ZNF99: variants seen among roughly 807,000 people sequenced by gnomAD.
ZNF99 encodes zinc finger protein 99, also known as zinc finger protein ENSP00000375192.
A neutral mutation model predicts 12.8 loss-of-function variants in ZNF99; 8 were observed. The ratio of observed to expected loss-of-function variants is 0.62; its 90% CI spans 0.37 to 1.13. ZNF99 has a LOEUF of 1.13. Ranked by LOEUF, ZNF99 falls within the 50% of genes most tolerant of loss-of-function variation. The pLI is 0.02. For missense variants in ZNF99, 1,007 were observed against 1,006.2 expected (o/e 1.00, Z -0.01); for synonymous variants, 318 against 319.0 (o/e 1.00, Z 0.03).
intron 1 of ZNF99, among the ~76,000 whole-genome samples, chr19:22,775,378 C>A (rs1187703784): frequency 6.6e-5 from 10 of 152,064 alleles, no homozygotes; most frequent in Non-Finnish European, 1.0e-4. Flanking sequence ...AAACTGGACC[C>A]CTTCCTTACA....
At chr19:22,768,634 A>G (rs1020663675) in intron 2 of ZNF99, among the ~76,000 whole-genome samples, 1 of 152,142 alleles carries the variant, frequency 6.6e-6, no homozygotes, top group African/African-American at 2.4e-5. Context: ...TGTGGCAACT[A>G]CATTTTATGC....
Position 22,756,243 on chromosome 19 carries a change from T to C in ZNF99, c.*1071A>G. ...CCAGTATGAATTATCTTATGTTTAG[T>C]AAGGGCTGAAAGATGGTTAAAAGCT... On this transcript the variant is annotated 3_prime_UTR_variant, in exon 4 of 4. Coordinates refer to ENST00000596209, the MANE Select transcript of ZNF99 (RefSeq NM_001080409.3). 5 of 1,571,204 alleles carry C rather than the reference T, an allele frequency of 3.2e-6. 1 individual carries two copies. The highest frequency in any genetic ancestry group is 3.1e-5 in the African/African-American group (2 of 64,330).
rs1396851538 is a variant in ZNF99 at position 22,753,499 on chromosome 19, T to C, written c.*3815A>G. 1.3e-5 allele frequency: 2 copies of C among 152,126 alleles called. No individual in the cohort carries two copies. The highest frequency in any genetic ancestry group is 2.4e-5 in the African/African-American group (1 of 41,448). The allele number at this position is 152,126 out of a possible 1,614,324, so 9.4% of individuals were successfully genotyped here. ...AATTTATTACATTTGCAGGTTTTTT[T>C]CTCTATTATACATTCCCTGATATTG... On this transcript the variant is annotated 3_prime_UTR_variant, in exon 4 of 4. Transcript: ENST00000596209.
At chr19:22,774,458 G>A (rs1973303987) in intron 1 of ZNF99, 1 of 152,146 alleles carries the variant, frequency 6.6e-6, no homozygotes, top group South Asian at 2.1e-4. Flanking sequence ...TTCATATACT[G>A]GAATATATTT....
Position 22,756,360 on chromosome 19 carries a change from A to G in ZNF99, c.*954T>C, listed in dbSNP as rs747485535. ...GAGGACTGGTTAAAGGCTTTGCCACATTCTTCACATTTGTAGGGTTTCTCT... is the reference window on the plus strand; with the variant it reads ...GAGGACTGGTTAAAGGCTTTGCCACGTTCTTCACATTTGTAGGGTTTCTCT... On this transcript the variant is annotated 3_prime_UTR_variant, in exon 4 of 4. Transcript: ENST00000596209. 1.3e-6 allele frequency: 2 copies of G among 1,597,346 alleles called. No individual in the cohort carries two copies. Among genetic ancestry groups the G allele is most frequent in the East Asian group, 2.3e-5 (1 of 44,294 alleles).
rs200827340 is a variant in ZNF99, at chr19:22,768,349, T to G, written c.182A>C (p.Glu61Ala). Residue 61 changes from glutamate (E) to alanine (A), a missense_variant, in exon 3 of 4, where the codon GAG becomes GCG. Transcript: ENST00000596209. ...CTCATGTCTCTTCATATTCCAAGGC[T>G]CTTTCCCTTGCTTCAGACAAGTTAT... is the stretch of plus-strand genomic sequence containing the variant. Reference protein sequence around the residue: ...DLITCLKQGKEPWNMKRHEMV... With the variant: ...DLITCLKQGKAPWNMKRHEMV... 3.4e-5 allele frequency: 55 copies of G among 1,613,994 alleles called. No individual in the cohort carries two copies. Among genetic ancestry groups the G allele is most frequent in the Non-Finnish European group, 4.7e-5 (55 of 1,179,966 alleles).
intron 1 of ZNF99, among the ~76,000 whole-genome samples, chr19:22,778,586 T>C (rs1015229243): frequency 2.0e-5 from 3 of 152,200 alleles, no homozygotes; most frequent in African/African-American, 7.2e-5. Context: ...ATAACATTCC[T>C]CAAATTCAAT....
At chr19:22,772,152 T>C (rs913886817) in intron 1 of ZNF99, among the ~76,000 whole-genome samples, 1 of 152,100 alleles carries the variant, frequency 6.6e-6, no homozygotes, top group Admixed American at 6.5e-5. Context: ...AAATATATAC[T>C]TGATTAGCAG....
chr19:22,775,135 G>C (rs1568387626), intron 1 of ZNF99, among the ~76,000 whole-genome samples: 1 of 152,162 alleles, frequency 6.6e-6, no homozygotes, highest in East Asian at 1.9e-4. Flanking sequence ...CAAAGCTGGA[G>C]GCATTACATT....
intron 3 of ZNF99, among the ~76,000 whole-genome samples, chr19:22,768,016 A>C (rs1303641978): frequency 6.6e-6 from 1 of 152,240 alleles, no homozygotes; most frequent in African/African-American, 2.4e-5. Flanking sequence ...TGTGTCCCCA[A>C]TATGGAAAAG....
intron 3 of ZNF99, among the ~76,000 whole-genome samples, chr19:22,761,593 G>C (rs946273434): frequency 1.3e-5 from 2 of 152,060 alleles, no homozygotes; most frequent in African/African-American, 2.4e-5. Flanking sequence ...AAGACAGAAA[G>C]TCAACAAATA....
intron 3 of ZNF99, among the ~76,000 whole-genome samples, chr19:22,766,386 G>A (rs573697968): frequency 1.3e-5 from 2 of 150,090 alleles, no homozygotes; most frequent in Non-Finnish European, 3.0e-5. Flanking sequence ...ATTGCCCAGG[G>A]TGGAGTGCGG....
Position 22,755,837 on chromosome 19 carries a change from A to G in ZNF99, c.*1477T>C, listed in dbSNP as rs539035919. The G allele has an allele frequency of 2.6e-4, 81 of 315,694 alleles. No individual in the cohort carries two copies. Among genetic ancestry groups the G allele is most frequent in the South Asian group, 2.5e-3 (80 of 32,326 alleles). 19.6% of individuals were successfully genotyped at this position (315,694 alleles called of 1,614,324 possible). On this transcript the variant is annotated 3_prime_UTR_variant, in exon 4 of 4. Transcript: ENST00000596209. ...TTACATTCAGTAAGATTTGAGGACCAGTTAAAAGCTTTGCCATATTATTCA... is the reference window on the plus strand; with the variant it reads ...TTACATTCAGTAAGATTTGAGGACCGGTTAAAAGCTTTGCCATATTATTCA...
Position 22,759,273 on chromosome 19 carries a change from C to T in ZNF99, c.636G>A (p.Trp212Ter). The change falls in exon 4 of 4, where the codon TGG (tryptophan) becomes TGA (stop). Residue 212 changes from tryptophan to a stop codon, truncating the protein, a stop_gained. Transcript: ENST00000596209. LOFTEE classifies it low-confidence loss of function (END_TRUNC). ...TCTTATGTTTAATAAGGGTTGAGAA[C>T]CATTTAAAGGCTTTGCCACGTTCTT... ...KCEERGKAFKWFSTLIKHKII... is the reference protein window; with the variant it reads ...KCEERGKAFK 6.4e-7 allele frequency: 1 copy of T among 1,551,208 alleles called. No individual in the cohort carries two copies. Among genetic ancestry groups the T allele is most frequent in the Non-Finnish European group, 8.7e-7 (1 of 1,148,828 alleles).
rs189015986 is a variant in ZNF99 at position 22,761,866 on chromosome 19, A to T, written c.227-2184T>A. On this transcript the variant is annotated intron_variant, in intron 3 of 3. Transcript: ENST00000596209. ...AAAACCATGCAAATACATGTAAATT[A>T]AAAAACCTGCTCCTGAATAATCATT... 3.8e-3 allele frequency among the ~76,000 whole-genome samples: 585 copies of T among 152,312 alleles called. 2 individuals carry two copies. Among genetic ancestry groups the T allele is most frequent in the Non-Finnish European group, 6.6e-3 (452 of 68,010 alleles).
At chr19:22,783,465 C>A (rs1381075471) in intron 1 of ZNF99, among the ~76,000 whole-genome samples, 1 of 152,102 alleles carries the variant, frequency 6.6e-6, no homozygotes, top group Non-Finnish European at 1.5e-5. Flanking sequence ...TAACCCATTA[C>A]TGAATTTGGT....
At chr19:22,783,931 G>C (rs1365943529) in intron 1 of ZNF99, 83 bp downstream of exon 1, 1 of 1,558,648 alleles carries the variant, frequency 6.4e-7, no homozygotes, top group Non-Finnish European at 8.8e-7. Context: ...ACTGAGGGGA[G>C]GCCTGAGTCC....
At chr19:22,769,979 A>G (rs1451390380) in intron 1 of ZNF99, 1 of 1,361,064 alleles carries the variant, frequency 7.3e-7, no homozygotes, top group Non-Finnish European at 9.8e-7. Flanking sequence ...GACCAAAAAG[A>G]CATGTTGAGT....
At chr19:22,760,669 G>A (rs1207821138) in intron 3 of ZNF99, among the ~76,000 whole-genome samples, 8 of 151,936 alleles carry the variant, frequency 5.3e-5, no homozygotes, top group African/African-American at 1.7e-4. Context: ...GCATGAACCC[G>A]GGAGGCAGAG....
Sources: gnomAD v4.1 joint callset for allele counts (sites outside exome capture counted in the v4.1 genomes callset) on GRCh38, gnomAD v4.1.1 for gene constraint, MANE v1.5 for transcripts, NCBI Gene and HGNC (gene_info 2026-07-23, HGNC 2026-07-21) for gene names.